Variants in DOCK1 observed in about 807,000 individuals in gnomAD.
DOCK1 encodes the protein dedicator of cytokinesis 1, also known as dedicator of cytokinesis protein 1.
DOCK1 carries 138 observed loss-of-function variants against 262.7 expected under a neutral mutation model. That is an observed-to-expected ratio of 0.53 (90% CI 0.46 to 0.61). The LOEUF is 0.61. DOCK1 is among the 20% of genes least tolerant of loss of function. The pLI, the probability that DOCK1 is intolerant of heterozygous loss-of-function variation, is 0.00. For synonymous variants in DOCK1, 866 were observed against 867.4 expected (o/e 1.00, Z 0.03); for missense variants, 1,908 against 2,370.7 (o/e 0.80, Z 4.05).
At chr10:127,314,598 G>A (rs1009493745) in intron 29 of DOCK1, among the ~76,000 whole-genome samples, 2 of 145,588 alleles carry the variant, frequency 1.4e-5, no homozygotes, top group African/African-American at 5.7e-5. Flanking sequence ...TTTTGTTTTT[G>A]TTGAAACACT....
At chr10:126,906,303 TGA>T (rs2030808615) in intron 1 of DOCK1, among the ~76,000 whole-genome samples, 1 of 152,146 alleles carries the variant, frequency 6.6e-6, no homozygotes, top group African/African-American at 2.4e-5. Context: ...TGCGCATTCC[TGA>T]GAGGGAGGCT....
chr10:127,077,945 G>T (rs2046667150), intron 23 of DOCK1, among the ~76,000 whole-genome samples: 1 of 152,056 alleles, frequency 6.6e-6, no homozygotes, highest in Non-Finnish European at 1.5e-5. Context: ...GTGGAAGGAG[G>T]TGGTGGGGAT....
intron 27 of DOCK1, among the ~76,000 whole-genome samples, chr10:127,156,042 G>A (rs920956312): frequency 1.3e-4 from 20 of 152,250 alleles, no homozygotes; most frequent in African/African-American, 4.1e-4. Context: ...TACAGTGGGC[G>A]AAACCAGGGA....
At chr10:126,927,201 G>A (rs1038116754) in intron 1 of DOCK1, among the ~76,000 whole-genome samples, 2 of 152,142 alleles carry the variant, frequency 1.3e-5, no homozygotes, top group African/African-American at 4.8e-5. Context: ...CACGCCAGGT[G>A]TGTGACCATG....
intron 27 of DOCK1, among the ~76,000 whole-genome samples, chr10:127,187,289 AAG>A (rs899875673): frequency 3.3e-5 from 5 of 152,254 alleles, no homozygotes; most frequent in African/African-American, 1.2e-4. Flanking sequence ...GGAAAAGAGA[AAG>A]AGAACAGTAG....
chr10:127,381,249 A>C, intron 36 of DOCK1, 29 bp from the exon 37 acceptor site: 1 of 1,576,716 alleles, frequency 6.3e-7, no homozygotes, highest in Non-Finnish European at 8.6e-7. Flanking sequence ...GTGACATTTT[A>C]AGAACATACC....
intron 27 of DOCK1, among the ~76,000 whole-genome samples, chr10:127,219,435 A>C (rs1298148102): frequency 6.6e-6 from 1 of 152,150 alleles, no homozygotes; most frequent in Non-Finnish European, 1.5e-5. Flanking sequence ...TGGGCATGCT[A>C]GGTCATGTCA....
At position 126,990,315 on chromosome 10, in the gene DOCK1, C is replaced by T. The variant is rs965829153; in HGVS notation, c.325-140C>T. ...AATATGTTTTAGTTTATGCTGAAAG[C>T]ACCTTTTAATTCAACATTAACTAAA... On this transcript the variant is annotated intron_variant, in intron 5 of 51. Coordinates refer to ENST00000623213, the MANE Select transcript of DOCK1 (RefSeq NM_001290223.2). The T allele has an allele frequency of 7.0e-6, 6 of 856,890 alleles. No individual in the cohort carries two copies. In the African/African-American group the frequency reaches 8.6e-5, roughly 12 times the overall value. The allele number at this position is 856,890 out of a possible 1,614,324, so 53.1% of individuals were successfully genotyped here. A position where few individuals can be genotyped will look rare whatever the true frequency, so the allele number is the denominator to read the frequency against.
rs934657136 is a variant in DOCK1 at position 126,946,965 on chromosome 10, A to G, written c.47-23737A>G. ...CAGACGCTCATTGTGAAGCAGATCA[A>G]TGCAGTGAGAATGCAGGTCTGATCC... On this transcript the variant is annotated intron_variant, in intron 1 of 51. Transcript: ENST00000623213. Among the ~76,000 whole-genome samples, 182 of 152,306 alleles carry G rather than the reference A, an allele frequency of 1.2e-3. 1 individual carries two copies. The highest frequency in any genetic ancestry group is 4.1e-3 in the African/African-American group (170 of 41,556).
At chr10:127,115,974 C>T (rs2049155775) in intron 25 of DOCK1, among the ~76,000 whole-genome samples, 1 of 152,214 alleles carries the variant, frequency 6.6e-6, no homozygotes, top group South Asian at 2.1e-4. Flanking sequence ...ATTTTGTCCT[C>T]ACTTAGTTTG....
At chr10:127,161,326 C>G (rs1254425271) in intron 27 of DOCK1, among the ~76,000 whole-genome samples, 1 of 152,276 alleles carries the variant, frequency 6.6e-6, no homozygotes, top group African/African-American at 2.4e-5. Context: ...CTCCCAGGAT[C>G]ACCCCTTCAT....
intron 2 of DOCK1, among the ~76,000 whole-genome samples, chr10:126,977,092 G>A (rs1394138361): frequency 6.6e-6 from 1 of 152,196 alleles, no homozygotes; most frequent in Non-Finnish European, 1.5e-5. Context: ...ACTTCAGAAT[G>A]TTTGGGAGTA....
At chr10:127,234,996 TAATA>T (rs1358180896) in intron 27 of DOCK1, among the ~76,000 whole-genome samples, 12 of 145,312 alleles carry the variant, frequency 8.3e-5, no homozygotes, top group Admixed American at 7.0e-4. Flanking sequence ...TATACATATA[TAATA>T]AATACATATA....
At chr10:127,229,590 A>G (rs2058765726) in intron 27 of DOCK1, among the ~76,000 whole-genome samples, 1 of 151,968 alleles carries the variant, frequency 6.6e-6, no homozygotes. Context: ...GCTGAACAGT[A>G]CTCCACTGTG....
chr10:127,261,749 ATC>A (rs201288681), intron 29 of DOCK1, among the ~76,000 whole-genome samples: 1 of 75,160 alleles, frequency 1.3e-5, no homozygotes, highest in East Asian at 4.7e-4. Context: ...ACCCGTGCTC[ATC>A]TGTGTGTGTG....
intron 10 of DOCK1, among the ~76,000 whole-genome samples, chr10:127,006,076 A>T (rs1435727914): frequency 6.6e-6 from 1 of 152,166 alleles, no homozygotes; most frequent in Admixed American, 6.5e-5. Flanking sequence ...TGTAGTAGCT[A>T]CGCAGTGAGC....
At chr10:127,034,282 T>C (rs2043436245) in intron 18 of DOCK1, among the ~76,000 whole-genome samples, 1 of 152,118 alleles carries the variant, frequency 6.6e-6, no homozygotes, top group South Asian at 2.1e-4. Context: ...CTTACGTGGA[T>C]GGCCGCAGGC....
intron 13 of DOCK1, among the ~76,000 whole-genome samples, chr10:127,021,141 C>G (rs1173341619): frequency 3.3e-5 from 5 of 152,190 alleles, no homozygotes. Context: ...TACTTCTGTG[C>G]TGGCCCTGGA....
At chr10:127,393,802 C>T (rs1480174233) in intron 38 of DOCK1, among the ~76,000 whole-genome samples, 1 of 152,064 alleles carries the variant, frequency 6.6e-6, no homozygotes, top group African/African-American at 2.4e-5. Flanking sequence ...CAGCCTAGCT[C>T]TTGGTTTCTT....
Sources: allele counts gnomAD v4.1 joint callset (sites outside exome capture counted in the v4.1 genomes callset), GRCh38; gene constraint gnomAD v4.1.1; transcripts MANE v1.5; gene names NCBI Gene and HGNC (gene_info 2026-07-23, HGNC 2026-07-21).